Variants in FAM133A observed in about 807,000 individuals in gnomAD.
FAM133A encodes the protein protein FAM133A.
For missense variants in FAM133A, 159 were observed against 164.4 expected (o/e 0.97, Z 0.18); for synonymous variants, 65 against 58.6 (o/e 1.11, Z -0.50).
chrX:93,698,961 A>G (rs1343671542), intron 3 of FAM133A, among the ~76,000 whole-genome samples: 2 of 110,839 alleles, frequency 1.8e-5, no homozygotes, highest in Non-Finnish European at 3.8e-5. Flanking sequence ...TACCACACCT[A>G]ACTTTTTCAA....
At chrX:93,702,837 T>TAAAAAAAAAAAAAAA (rs33985910) in intron 3 of FAM133A, among the ~76,000 whole-genome samples, 14 of 43,040 alleles carry the variant, frequency 3.3e-4, no homozygotes, top group Non-Finnish European at 3.6e-4. Flanking sequence ...ATAGCTATGA[T>TAAAAAAAAAAAAAAA]AAAAAAAAAA....
In FAM133A at chrX:93,703,025, G is replaced by C. The variant is rs138519244; in HGVS notation, c.-104+4540G>C. Among the ~76,000 whole-genome samples, 583 of 108,642 alleles carry C rather than the reference G, an allele frequency of 5.4e-3. 1 individual carries two copies. Among genetic ancestry groups the C allele is most frequent in the Non-Finnish European group, 8.1e-3 (422 of 52,265 alleles). The allele number at this position is 108,642 out of a possible 115,157, so 94.3% of individuals were successfully genotyped here. On this transcript the variant is annotated intron_variant, in intron 3 of 3. Coordinates refer to ENST00000683942, the MANE Select transcript of FAM133A (RefSeq NM_001171109.2). ...TGACATGGCGAAACCCTGTCTCTAC[G>C]AAAAAATACAAAAATTAGCCAGATG... is the stretch of plus-strand genomic sequence containing the variant.
chrX:93,697,230 ATG>A (rs1432515319), intron 2 of FAM133A, among the ~76,000 whole-genome samples: 1 of 107,373 alleles, frequency 9.3e-6, no homozygotes, highest in Non-Finnish European at 1.9e-5. Flanking sequence ...AAATAAAAAT[ATG>A]TTTTTAATAA....
At chrX:93,696,952 A>G (rs1156267403) in intron 2 of FAM133A, among the ~76,000 whole-genome samples, 2 of 109,542 alleles carry the variant, frequency 1.8e-5, no homozygotes, top group Admixed American at 1.9e-4. Flanking sequence ...AGTGTAGGCT[A>G]GGGTTACAAC....
In FAM133A at chrX:93,701,174, G is replaced by A. The variant is rs888612256; in HGVS notation, c.-104+2689G>A. Among the ~76,000 whole-genome samples, 4 of 111,858 alleles carry A rather than the reference G, an allele frequency of 3.6e-5. No individual in the cohort carries two copies. The Admixed American group carries it at 3.8e-4, about 11-fold the overall frequency. ...CTCTACTATAAAATATATTGCTTTA[G>A]TTTAAAGCTAAAATGTAGATGAAAT... On this transcript the variant is annotated intron_variant, in intron 3 of 3. Transcript: ENST00000683942.
rs755523147 is a variant in FAM133A at position 93,708,389 on chromosome X, C to A, written c.-103-928C>A. ...TAAAACCACTGGAGTTTTTTAAGAT[C>A]CCTCTGTTTACAGTGTGGGACTAGA... On this transcript the variant is annotated intron_variant, in intron 3 of 3. Coordinates refer to ENST00000683942, the MANE Select transcript of FAM133A (RefSeq NM_001171109.2). 9.0e-5 allele frequency among the ~76,000 whole-genome samples: 10 copies of A among 111,634 alleles called. No homozygotes were observed. The East Asian group carries it at 2.6e-3, about 29-fold the overall frequency.
At chrX:93,702,564 G>C (rs1453562520) in intron 3 of FAM133A, among the ~76,000 whole-genome samples, 1 of 110,437 alleles carries the variant, frequency 9.1e-6, no homozygotes, top group Non-Finnish European at 1.9e-5. Flanking sequence ...AATTTATGTA[G>C]GCATACCACC....
chrX:93,677,318 G>A (rs570938449), intron 2 of FAM133A, among the ~76,000 whole-genome samples: 2 of 110,496 alleles, frequency 1.8e-5, no homozygotes, highest in South Asian at 3.9e-4. Flanking sequence ...ACACAAACAC[G>A]CAAGGTATAT....
chrX:93,705,535 A>T (rs147461067), intron 3 of FAM133A, among the ~76,000 whole-genome samples: 2,334 of 111,635 alleles, frequency 0.021, 48 homozygotes, highest in African/African-American at 0.065. Context: ...TTGTTACTCC[A>T]AATTTTAATT....
chrX:93,682,419 C>G (rs1193065652), intron 2 of FAM133A, among the ~76,000 whole-genome samples: 1 of 111,704 alleles, frequency 9.0e-6, no homozygotes, highest in Non-Finnish European at 1.9e-5. Flanking sequence ...ATAACAGAAC[C>G]ACATAGGTCA....
chrX:93,708,336 G>A (rs181391704), intron 3 of FAM133A, among the ~76,000 whole-genome samples: 4 of 111,909 alleles, frequency 3.6e-5, no homozygotes, highest in Admixed American at 2.9e-4. Flanking sequence ...GACCTTATAG[G>A]AGATTGGATT....
intron 3 of FAM133A, among the ~76,000 whole-genome samples, chrX:93,704,427 T>A (rs1262544366): frequency 1.2e-4 from 13 of 111,770 alleles, no homozygotes; most frequent in Non-Finnish European, 2.5e-4. Flanking sequence ...AGGTTTTTTT[T>A]TAAATAGGAG....
intron 3 of FAM133A, among the ~76,000 whole-genome samples, chrX:93,701,460 G>C (rs943399879): frequency 3.6e-5 from 4 of 111,420 alleles, no homozygotes; most frequent in African/African-American, 1.3e-4. Flanking sequence ...TTTTATATAA[G>C]TAGTCATATC....
chrX:93,679,703 A>G (rs1924970214), intron 2 of FAM133A, among the ~76,000 whole-genome samples: 1 of 107,091 alleles, frequency 9.3e-6, no homozygotes, highest in Non-Finnish European at 1.9e-5. Context: ...TGGTGAGAAC[A>G]CTCAAAATCT....
Position 93,711,540 on chromosome X carries a change from T to G in FAM133A, c.*1374T>G, listed in dbSNP as rs1422783891. ...TATAAATTTGTGTCTCAAAACCACC[T>G]GTGATGGAGGATGTGCTAATTGTAA... On this transcript the variant is annotated 3_prime_UTR_variant, in exon 4 of 4. Transcript: ENST00000683942. 8.1e-6 allele frequency: 1 copy of G among 123,126 alleles called. No individual in the cohort carries two copies. The highest frequency in any genetic ancestry group is 1.9e-5 in the Non-Finnish European group (1 of 53,232). 10.1% of individuals were successfully genotyped at this position (123,126 alleles called of 1,213,427 possible). A position where few individuals can be genotyped will look rare whatever the true frequency, so the allele number is the denominator to read the frequency against.
In FAM133A at chrX:93,701,429, C is replaced by A. The variant is rs752324216; in HGVS notation, c.-104+2944C>A. Among the ~76,000 whole-genome samples, 102 of 111,416 alleles carry A rather than the reference C, an allele frequency of 9.2e-4. 1 individual carries two copies. Among genetic ancestry groups the A allele is most frequent in the Non-Finnish European group, 1.5e-3 (81 of 52,943 alleles). ...CAATGGGCAGAGAACATAGGGCAAA[C>A]CTTATTTGTTTGGGGTGTATTTTTA... On this transcript the variant is annotated intron_variant, in intron 3 of 3. Coordinates refer to ENST00000683942, the MANE Select transcript of FAM133A (RefSeq NM_001171109.2).
At chrX:93,687,840 A>G (rs1445533456) in intron 2 of FAM133A, among the ~76,000 whole-genome samples, 2 of 111,750 alleles carry the variant, frequency 1.8e-5, no homozygotes, top group African/African-American at 3.3e-5. Context: ...GTAACCACTA[A>G]TCTACTTTCT....
chrX:93,706,414 CT>C (rs1200479378), intron 3 of FAM133A, among the ~76,000 whole-genome samples: 1 of 111,565 alleles, frequency 9.0e-6, no homozygotes, highest in African/African-American at 3.3e-5. Flanking sequence ...CAGTCTCAAA[CT>C]TTTTTCCACT....
At chrX:93,685,409 C>T (rs904344725) in intron 2 of FAM133A, among the ~76,000 whole-genome samples, 1 of 111,400 alleles carries the variant, frequency 9.0e-6, no homozygotes, top group African/African-American at 3.3e-5. Context: ...TAAAATATTG[C>T]TCGATCATAA....
Sources: gnomAD v4.1 joint callset for allele counts (sites outside exome capture counted in the v4.1 genomes callset) on GRCh38, gnomAD v4.1.1 for gene constraint, MANE v1.5 for transcripts, NCBI Gene and HGNC (gene_info 2026-07-23, HGNC 2026-07-21) for gene names.